Variants in TNFRSF11A observed in about 807,000 individuals in gnomAD.
The protein encoded by TNFRSF11A is TNF receptor superfamily member 11a.
A neutral mutation model predicts 55.7 loss-of-function variants in TNFRSF11A; 32 were observed. That is an observed-to-expected ratio of 0.57 (90% CI 0.43 to 0.77). The LOEUF (loss-of-function observed/expected upper bound fraction) is 0.77, where lower values mean the gene tolerates loss of function less well. Ranked by LOEUF, TNFRSF11A falls within the 30% of genes least tolerant of loss-of-function variation. The pLI is 0.00. For synonymous variants in TNFRSF11A, 311 were observed against 331.0 expected, an observed-to-expected ratio of 0.94 and a Z score of 0.65; for missense variants, 753 against 809.8, an observed-to-expected ratio of 0.93 and a Z score of 0.85.
At chr18:62,380,805 CTTT>C (rs34045772) in intron 9 of TNFRSF11A, among the ~76,000 whole-genome samples, 6 of 83,544 alleles carry the variant, frequency 7.2e-5, no homozygotes, top group African/African-American at 1.4e-4. Flanking sequence ...AAATAATATT[CTTT>C]TTTTTTTTTT....
intron 1 of TNFRSF11A, among the ~76,000 whole-genome samples, chr18:62,333,144 A>T (rs1476573382): frequency 6.6e-6 from 1 of 152,158 alleles, no homozygotes. Flanking sequence ...CCGGGGAAGG[A>T]TAAAGCCAGC....
At chr18:62,360,170 C>T (rs1909572081) in intron 6 of TNFRSF11A, 121 bp downstream of exon 6, 3 of 732,520 alleles carry the variant, frequency 4.1e-6, no homozygotes, top group Non-Finnish European at 5.0e-6. Context: ...TCATCCCGTG[C>T]ATGGTCAGCT....
chr18:62,371,831 G>A (rs1910577462), intron 9 of TNFRSF11A, among the ~76,000 whole-genome samples: 1 of 152,202 alleles, frequency 6.6e-6, no homozygotes, highest in South Asian at 2.1e-4. Flanking sequence ...GCGTGAAAGA[G>A]GCTGGAGCTT....
rs1846843043 is a variant in TNFRSF11A at position 62,385,969 on chromosome 18, T to C, written c.*935T>C. On this transcript the variant is annotated 3_prime_UTR_variant, in exon 10 of 10. Coordinates refer to ENST00000586569, the MANE Select transcript of TNFRSF11A (RefSeq NM_003839.4). ...TGAAAAATGTTCTATATTCTCATTTTTCTAAAAGAAAGAAAAAAGGAAACC... is the reference window on the plus strand; with the variant it reads ...TGAAAAATGTTCTATATTCTCATTTCTCTAAAAGAAAGAAAAAAGGAAACC... 1 of 152,250 alleles carries C rather than the reference T, an allele frequency of 6.6e-6. No individual in the cohort carries two copies. Among genetic ancestry groups the C allele is most frequent in the African/African-American group, 2.4e-5 (1 of 41,472 alleles). 9.4% of individuals were successfully genotyped at this position (152,250 alleles called of 1,614,324 possible).
At position 62,361,785 on chromosome 18, in the gene TNFRSF11A, C is replaced by T; in HGVS notation, c.722C>T (p.Ala241Val). The T allele has an allele frequency of 6.2e-7, 1 of 1,613,728 alleles. No homozygotes were observed. Among genetic ancestry groups the T allele is most frequent in the Non-Finnish European group, 8.5e-7 (1 of 1,179,670 alleles). The change falls in exon 7 of 10, where the codon GCA (alanine) becomes GTA (valine). Residue 241 changes from alanine (A) to valine (V), a missense_variant. Physicochemically the swap from Ala to Val is moderately conservative, Grantham distance 64. Transcript: ENST00000586569. Reference protein sequence around the residue: ...FGVCYRKKGKALTANLWHWIN... With the variant: ...FGVCYRKKGKVLTANLWHWIN... ...GTTTGCTATAGGAAAAAAGGGAAAG[C>T]ACTCACAGGTATTGTGTCTATGGTG... is the stretch of plus-strand genomic sequence containing the variant.
At chr18:62,371,799 C>A (rs1910575196) in intron 9 of TNFRSF11A, among the ~76,000 whole-genome samples, 1 of 152,256 alleles carries the variant, frequency 6.6e-6, no homozygotes, top group African/African-American at 2.4e-5. Flanking sequence ...TTTAAAAAGT[C>A]ACAATTTACG....
chr18:62,326,004 A>G (rs56382559), intron 1 of TNFRSF11A, among the ~76,000 whole-genome samples: 23,216 of 152,272 alleles, frequency 0.15, 2,406 homozygotes, highest in Middle Eastern at 0.28. Flanking sequence ...GGGATGCTGG[A>G]CTTGACCCTC....
In TNFRSF11A at chr18:62,361,759, C is replaced by A. The variant is rs779369527; in HGVS notation, c.696C>A (p.Gly232=). The change falls in exon 7 of 10, where the codon GGC becomes GGA. Residue 232 remains glycine, a synonymous_variant. Transcript: ENST00000586569. ...SVALVAAIIF[G]VCYRKKGKAL... ...CCCTGGTGGCTGCCATCATCTTTGGCGTTTGCTATAGGAAAAAAGGGAAAG... is the reference window on the plus strand; with the variant it reads ...CCCTGGTGGCTGCCATCATCTTTGGAGTTTGCTATAGGAAAAAAGGGAAAG... The A allele has an allele frequency of 6.2e-7, 1 of 1,613,902 alleles. No individual in the cohort carries two copies. Among genetic ancestry groups the A allele is most frequent in the African/African-American group, 1.3e-5 (1 of 74,850 alleles).
At position 62,389,350 on chromosome 18, in the gene TNFRSF11A, G is replaced by C. The variant is rs1012874268; in HGVS notation, c.*4316G>C. The C allele has an allele frequency of 6.6e-6, 1 of 152,326 alleles. No homozygotes were observed. The highest frequency in any genetic ancestry group is 2.4e-5 in the African/African-American group (1 of 41,428). The allele number at this position is 152,326 out of a possible 1,614,324, so 9.4% of individuals were successfully genotyped here. A position where few individuals can be genotyped will look rare whatever the true frequency, so the allele number is the denominator to read the frequency against. On this transcript the variant is annotated 3_prime_UTR_variant, in exon 10 of 10. Transcript: ENST00000586569. ...GAGGGACCTGACACTGGGCAGTGGC[G>C]GTGCCAGCAGTGAGCACAGGCGGGG...
chr18:62,349,861 G>A lies in TNFRSF11A; in HGVS notation c.207G>A (p.Leu69=), dbSNP rs1568480005. ...CTACTACCTCTGACAGTGTATGTCT[G>A]CCCTGTGGCCCGGATGAATACTTGG... The part of the protein sequence containing the change: ...KCTTTSDSVC[L]PCGPDEYLDS... Residue 69 remains leucine, a synonymous_variant, in exon 3 of 10, where the codon CTG becomes CTA. Coordinates refer to ENST00000586569, the MANE Select transcript of TNFRSF11A (RefSeq NM_003839.4). 2.5e-6 allele frequency: 4 copies of A among 1,613,962 alleles called. No individual in the cohort carries two copies. The highest frequency in any genetic ancestry group is 1.3e-5 in the African/African-American group (1 of 74,920).
At chr18:62,374,911 T>A (rs1462989981) in intron 9 of TNFRSF11A, among the ~76,000 whole-genome samples, 1 of 127,372 alleles carries the variant, frequency 7.9e-6, no homozygotes, top group African/African-American at 2.7e-5. Flanking sequence ...TCTTTTTTTT[T>A]AAGTTTTTTT....
At chr18:62,340,526 G>A (rs2046297185) in intron 1 of TNFRSF11A, among the ~76,000 whole-genome samples, 1 of 151,198 alleles carries the variant, frequency 6.6e-6, no homozygotes, top group Non-Finnish European at 1.5e-5. Flanking sequence ...AATATTGTTT[G>A]TGACAGTTAT....
chr18:62,377,537 C>T (rs528766857), intron 9 of TNFRSF11A, among the ~76,000 whole-genome samples: 21 of 152,214 alleles, frequency 1.4e-4, no homozygotes, highest in Non-Finnish European at 2.4e-4. Flanking sequence ...CACCCACCCC[C>T]ATGCTCGCCA....
intron 1 of TNFRSF11A, among the ~76,000 whole-genome samples, chr18:62,334,687 A>G (rs1356954229): frequency 6.6e-6 from 1 of 152,230 alleles, no homozygotes; most frequent in Non-Finnish European, 1.5e-5. Context: ...CCATGGAACA[A>G]ATCAAAATCA....
chr18:62,378,544 C>T (rs3017339), intron 9 of TNFRSF11A, among the ~76,000 whole-genome samples: 2 of 152,310 alleles, frequency 1.3e-5, no homozygotes, highest in African/African-American at 4.8e-5. Context: ...TTGGGAGTTC[C>T]GTGAGCACGG....
intron 7 of TNFRSF11A, among the ~76,000 whole-genome samples, chr18:62,362,417 G>A (rs1481465723): frequency 6.8e-6 from 1 of 147,588 alleles, no homozygotes; most frequent in East Asian, 2.0e-4. Flanking sequence ...TTGAACCTAG[G>A]AGGCAGAGGT....
intron 5 of TNFRSF11A, 109 bp from the exon 6 acceptor site, chr18:62,359,846 T>G: frequency 1.0e-5 from 9 of 898,562 alleles, no homozygotes; most frequent in Non-Finnish European, 1.7e-5. Flanking sequence ...CAAGAAGGCG[T>G]GGGTTCCTCT....
Position 62,369,193 on chromosome 18 carries a change from G to C in TNFRSF11A, c.1276G>C (p.Val426Leu), listed in dbSNP as rs1183820555. 2.5e-6 allele frequency: 4 copies of C among 1,613,944 alleles called. No individual in the cohort carries two copies. Among genetic ancestry groups the C allele is most frequent in the Non-Finnish European group, 3.4e-6 (4 of 1,180,064 alleles). ...MSSENYLQKEVDSGHCPHWAA... is the reference protein window; with the variant it reads ...MSSENYLQKELDSGHCPHWAA... ...CTCTGAAAACTACTTGCAAAAAGAGGTGGACAGTGGCCATTGCCCGCACTG... is the reference window on the plus strand; with the variant it reads ...CTCTGAAAACTACTTGCAAAAAGAGCTGGACAGTGGCCATTGCCCGCACTG... The change falls in exon 9 of 10, where the codon GTG becomes CTG. Residue 426 changes from valine to leucine, a missense_variant. Physicochemically the swap from Val to Leu is conservative, Grantham distance 32 (BLOSUM62 1). Transcript: ENST00000586569.
intron 1 of TNFRSF11A, among the ~76,000 whole-genome samples, chr18:62,328,000 C>T (rs1192934072): frequency 2.0e-5 from 3 of 152,224 alleles, no homozygotes; most frequent in Admixed American, 6.5e-5. Flanking sequence ...GGATTGTACA[C>T]GGTCATGTTT....
Sources: allele counts gnomAD v4.1 joint callset (sites outside exome capture counted in the v4.1 genomes callset), GRCh38; gene constraint gnomAD v4.1.1; transcripts MANE v1.5; gene names NCBI Gene and HGNC (gene_info 2026-07-23, HGNC 2026-07-21).